EML5: variants seen among roughly 807,000 people sequenced by gnomAD.
The protein encoded by EML5 is EMAP like 5.
EML5 carries 120 observed loss-of-function variants against 250.0 expected under a neutral mutation model. The ratio of observed to expected loss-of-function variants is 0.48; its 90% CI spans 0.41 to 0.56. The LOEUF is 0.56. EML5 is among the 20% of genes least tolerant of loss of function. The pLI is 0.00. For missense variants in EML5, 2,006 were observed against 2,437.6 expected, an observed-to-expected ratio of 0.82 and a Z score of 3.73; for synonymous variants, 771 against 806.5, an observed-to-expected ratio of 0.96 and a Z score of 0.75.
At chr14:88,618,550 A>C in intron 40 of EML5, 100 bp downstream of exon 40, 1 of 1,372,502 alleles carries the variant, frequency 7.3e-7, no homozygotes, top group Non-Finnish European at 9.8e-7. Flanking sequence ...GGAGTTGAGA[A>C]GCTGGAGCTC....
At chr14:88,634,648 A>G (rs556912186) in intron 32 of EML5, among the ~76,000 whole-genome samples, 159 bp from the exon 33 acceptor site, 4 of 152,166 alleles carry the variant, frequency 2.6e-5, no homozygotes, top group Non-Finnish European at 5.9e-5. Flanking sequence ...TCAATCATAC[A>G]TACTTATTAA....
intron 1 of EML5, among the ~76,000 whole-genome samples, chr14:88,770,048 G>A (rs894633207): frequency 3.3e-5 from 5 of 150,818 alleles, no homozygotes; most frequent in South Asian, 2.1e-4. Context: ...TTCATTGTTC[G>A]CAACAAAGCT....
intron 8 of EML5, among the ~76,000 whole-genome samples, chr14:88,725,271 T>C (rs912192439): frequency 1.3e-5 from 2 of 152,310 alleles, no homozygotes; most frequent in African/African-American, 4.8e-5. Context: ...TTAATGGCAC[T>C]GAATTTTACA....
chr14:88,784,185 C>CAGTAAGTTTAAAGTTGTAAGT (rs1481263151), intron 1 of EML5, among the ~76,000 whole-genome samples: 2 of 151,726 alleles, frequency 1.3e-5, no homozygotes, highest in East Asian at 3.9e-4. Flanking sequence ...TAAGTGCCTA[C>CAGTAAGTTTAAAGTTGTAAGT]ATCAAAAAAA....
chr14:88,624,235 C>G (rs946840703), intron 36 of EML5: 2 of 152,316 alleles, frequency 1.3e-5, no homozygotes, highest in Non-Finnish European at 2.9e-5. Flanking sequence ...TGCCACCACA[C>G]CCGGCTAATT....
intron 33 of EML5, chr14:88,628,055 G>C (rs2090147329): frequency 1.9e-6 from 1 of 528,936 alleles, no homozygotes; most frequent in South Asian, 1.8e-5. Flanking sequence ...ATTCCAAATT[G>C]CACTTTTGGA....
chr14:88,753,979 A>G (rs1471680014), intron 2 of EML5, among the ~76,000 whole-genome samples: 1 of 151,936 alleles, frequency 6.6e-6, no homozygotes, highest in Non-Finnish European at 1.5e-5. Context: ...TCTCTACCAA[A>G]AAAAAAAATT....
intron 1 of EML5, among the ~76,000 whole-genome samples, chr14:88,787,568 C>T (rs1669537966): frequency 6.6e-6 from 1 of 152,130 alleles, no homozygotes; most frequent in Admixed American, 6.5e-5. Context: ...TAATACACAT[C>T]TATTACAACT....
At chr14:88,787,380 T>C (rs1434872984) in intron 1 of EML5, among the ~76,000 whole-genome samples, 5 of 152,240 alleles carry the variant, frequency 3.3e-5, no homozygotes, top group African/African-American at 1.2e-4. Context: ...GAGAAAACTT[T>C]GAAATAAAAG....
intron 1 of EML5, among the ~76,000 whole-genome samples, chr14:88,767,974 A>G (rs2094342209): frequency 6.6e-6 from 1 of 152,126 alleles, no homozygotes; most frequent in Non-Finnish European, 1.5e-5. Context: ...ATTCCTCCTT[A>G]GCAACTTCCA....
Position 88,738,972 on chromosome 14 carries a change from T to G in EML5, c.754A>C (p.Thr252Pro). 1 of 1,609,410 alleles carries G rather than the reference T, an allele frequency of 6.2e-7. No individual in the cohort carries two copies. The highest frequency in any genetic ancestry group is 8.5e-7 in the Non-Finnish European group (1 of 1,178,196). Reference protein sequence around the residue: ...SMNACEEGFATGGRDGCIRLW... With the variant: ...SMNACEEGFAPGGRDGCIRLW... ...CGAATACAACCATCTCTGCCACCAGTAGCAAAGCCTTCTTCACAAGCATTC... is the reference window on the plus strand; with the variant it reads ...CGAATACAACCATCTCTGCCACCAGGAGCAAAGCCTTCTTCACAAGCATTC... Residue 252 changes from threonine (T) to proline (P), a missense_variant, in exon 6 of 44, where the codon ACT becomes CCT. By Grantham distance (38) the Thr-to-Pro change is conservative. Transcript: ENST00000554922.
intron 21 of EML5, among the ~76,000 whole-genome samples, chr14:88,668,914 T>G (rs2092381462): frequency 6.9e-6 from 1 of 144,768 alleles, no homozygotes; most frequent in Admixed American, 6.9e-5. Flanking sequence ...ACAGCTGTGG[T>G]CAGAGGCTCC....
chr14:88,628,718 T>C (rs773032291), intron 33 of EML5, among the ~76,000 whole-genome samples: 5 of 152,058 alleles, frequency 3.3e-5, no homozygotes, highest in Non-Finnish European at 5.9e-5. Context: ...GAAATAAATG[T>C]TGGTCTCTAA....
At chr14:88,790,086 G>C (rs1250961540) in intron 1 of EML5, among the ~76,000 whole-genome samples, 2 of 152,112 alleles carry the variant, frequency 1.3e-5, no homozygotes, top group African/African-American at 4.8e-5. Context: ...AAAAAATATT[G>C]AGGTTTTAAT....
chr14:88,668,453 T>C (rs1055344595), intron 21 of EML5, among the ~76,000 whole-genome samples: 3 of 151,404 alleles, frequency 2.0e-5, no homozygotes, highest in African/African-American at 7.3e-5. Flanking sequence ...AAGGGAATGA[T>C]AAATTGTGTC....
At chr14:88,639,010 C>CA in intron 31 of EML5, 103 bp from the exon 32 acceptor site, 1 of 856,992 alleles carries the variant, frequency 1.2e-6, no homozygotes, top group Non-Finnish European at 1.8e-6. Context: ...TTTGCTTATT[C>CA]AAAACATGTT....
intron 12 of EML5, among the ~76,000 whole-genome samples, 198 bp from the exon 13 acceptor site, chr14:88,705,176 T>G (rs952237845): frequency 3.3e-5 from 5 of 152,060 alleles, no homozygotes; most frequent in Admixed American, 3.3e-4. Context: ...CACTGACAAA[T>G]AGATACATAG....
intron 34 of EML5, 84 bp downstream of exon 34, chr14:88,627,562 C>T (rs1464842653): frequency 3.2e-5 from 45 of 1,393,798 alleles, no homozygotes; most frequent in African/African-American, 2.9e-5. Flanking sequence ...CAACCACCAA[C>T]TTTAAGACAA....
chr14:88,712,117 T>G (rs2093418411), intron 10 of EML5, among the ~76,000 whole-genome samples, 154 bp downstream of exon 10: 1 of 152,304 alleles, frequency 6.6e-6, no homozygotes, highest in Non-Finnish European at 1.5e-5. Context: ...ATGCAGCATA[T>G]GACAATAATT....
Sources: gnomAD v4.1 joint callset for allele counts (sites outside exome capture counted in the v4.1 genomes callset) on GRCh38, gnomAD v4.1.1 for gene constraint, MANE v1.5 for transcripts, NCBI Gene and HGNC (gene_info 2026-07-23, HGNC 2026-07-21) for gene names.